The following CP variants were observed in gnomAD, a reference collection of about 807,000 sequenced individuals.
The protein encoded by CP is caeruloplasmin.
CP carries 64 observed loss-of-function variants against 122.4 expected under a neutral mutation model. The observed-to-expected ratio is 0.52, with a 90% CI of 0.43 to 0.64. The LOEUF is 0.64. CP is among the 30% of genes least tolerant of loss of function. CP has a pLI of 0.00. For missense variants in CP, 1,167 were observed against 1,284.4 expected (o/e 0.91, Z 1.40); for synonymous variants, 440 against 436.4 (o/e 1.01, Z -0.10).
At position 149,198,220 on chromosome 3, in the gene CP, T is replaced by C. The variant is rs1171919135; in HGVS notation, c.1713+147A>G. ...TATTATTATTTTAAGGTGTGATAAT[T>C]GTGGGCATTTTTAAAGAAGTCCTTA... is the stretch of plus-strand genomic sequence containing the variant. On this transcript the variant is annotated intron_variant, in intron 9 of 18. Transcript: ENST00000264613. The C allele has an allele frequency of 6.3e-6, 4 of 636,968 alleles. No individual in the cohort carries two copies. In the Admixed American group the frequency reaches 1.1e-4, roughly 18 times the overall value. The allele number at this position is 636,968 out of a possible 1,614,324, so 39.5% of individuals were successfully genotyped here.
downstream of CP, among the ~76,000 whole-genome samples, chr3:149,167,632 G>A (rs1490526775): frequency 6.6e-6 from 1 of 151,996 alleles, no homozygotes; most frequent in African/African-American, 2.4e-5. Flanking sequence ...AACGGGATAT[G>A]TCTGTTACTT....
intron 17 of CP, 102 bp from the exon 18 acceptor site, chr3:149,176,514 T>A: frequency 1.0e-6 from 1 of 984,970 alleles, no homozygotes; most frequent in Admixed American, 2.1e-5. Flanking sequence ...AATGGATAAA[T>A]CTGTTTTTAA....
At chr3:149,184,025 CTTCTTTTTTTTTTTTTT>C (rs1725974013) in intron 12 of CP, among the ~76,000 whole-genome samples, 5 of 66,306 alleles carry the variant, frequency 7.5e-5, no homozygotes, top group Non-Finnish European at 1.7e-4. Flanking sequence ...TTTTCACTTA[CTTCTTTTTTTTTTTTTT>C]TTTTTTTTTT....
intron 5 of CP, chr3:149,163,010 T>G: frequency 1.3e-6 from 1 of 773,704 alleles, no homozygotes. Context: ...ATGCAGGAGT[T>G]AAAAATACAC....
rs749381794 is a variant in CP at position 149,173,727 on chromosome 3, G to T, written c.3185C>A (p.Thr1062Asn). 3.5e-6 allele frequency: 5 copies of T among 1,437,676 alleles called. No individual in the cohort carries two copies. The highest frequency in any genetic ancestry group is 1.2e-5 in the South Asian group (1 of 80,560). The allele number at this position is 1,437,676 out of a possible 1,614,324, so 89.1% of individuals were successfully genotyped here. A position where few individuals can be genotyped will look rare whatever the true frequency, so the allele number is the denominator to read the frequency against. The part of the protein sequence containing the change: ...TTYTVLQNED[T>N]KSG ...AATTTATTTCATTCAGCCAGATTTG[G>T]TGTCTATAGAAAAAGAAATTTTAAG... Residue 1062 changes from threonine (T) to asparagine (N), a missense_variant, in exon 19 of 19, where the codon ACC becomes AAC. Physicochemically the swap from Thr to Asn is moderately conservative, Grantham distance 65. Transcript: ENST00000264613.
chr3:149,168,128 G>A (rs531087254), downstream of CP: 25 of 641,086 alleles, frequency 3.9e-5, no homozygotes, highest in Admixed American at 1.6e-4. Flanking sequence ...CAGCATTCAC[G>A]TACCCTCCCC....
In CP at chr3:149,177,860, C is replaced by T. The variant is rs187293972; in HGVS notation, c.2998G>A (p.Gly1000Ser). 289 of 1,613,678 alleles carry T rather than the reference C, an allele frequency of 1.8e-4. 1 individual carries two copies. Among genetic ancestry groups the T allele is most frequent in the South Asian group, 1.1e-3 (102 of 91,068 alleles). ...EIDLHTVHFH[G>S]HSFQYKHRGV... ...CTTACCTTGTATTGGAAGCTATGGC[C>T]GTGAAAATGTACAGTGTGTAAGTCT... Residue 1000 changes from glycine to serine, a missense_variant, in exon 17 of 19, where the codon GGC (glycine) becomes AGC (serine). By Grantham distance (56) the Gly-to-Ser change is moderately conservative (BLOSUM62 0). Transcript: ENST00000264613.
intron 4 of CP, among the ~76,000 whole-genome samples, chr3:149,208,048 C>T (rs1391285454): frequency 1.3e-5 from 2 of 151,912 alleles, no homozygotes; most frequent in African/African-American, 4.8e-5. Context: ...AGAAAATTTC[C>T]AATTTTCTAC....
chr3:149,170,276 A>C (rs900477308), downstream of CP, among the ~76,000 whole-genome samples: 4 of 152,212 alleles, frequency 2.6e-5, no homozygotes, highest in Non-Finnish European at 4.4e-5. Context: ...ACTCTATAAC[A>C]ACTCCACACT....
intron 9 of CP, among the ~76,000 whole-genome samples, chr3:149,189,379 C>CAT (rs1726392294): frequency 2.0e-5 from 3 of 151,764 alleles, no homozygotes; most frequent in African/African-American, 7.3e-5. Flanking sequence ...TGTGAAACCC[C>CAT]GTCTCTACTA....
At chr3:149,181,974 G>GGGGGGGGGGGCC in intron 14 of CP, 31 bp downstream of exon 14, 1 of 1,356,690 alleles carries the variant, frequency 7.4e-7, no homozygotes, top group Non-Finnish European at 1.0e-6. Context: ...CTGTTAAAAT[G>GGGGGGGGGGGCC]CACCACCCCC....
At position 149,183,989 on chromosome 3, in the gene CP, A is replaced by G. The variant is rs552005793; in HGVS notation, c.2286-384T>C. Among the ~76,000 whole-genome samples, 6 of 146,580 alleles carry G rather than the reference A, an allele frequency of 4.1e-5. No homozygotes were observed. The East Asian group carries it at 1.2e-3, about 30-fold the overall frequency. ...ATATTTCTGATTTATAGGAACTGAA[A>G]TGGACATCTTTTCCCAGGCATTCCC... On this transcript the variant is annotated intron_variant, in intron 12 of 18. Coordinates refer to ENST00000264613, the MANE Select transcript of CP (RefSeq NM_000096.4).
intron 9 of CP, among the ~76,000 whole-genome samples, chr3:149,189,969 A>G (rs1423753813): frequency 6.6e-6 from 1 of 152,204 alleles, no homozygotes; most frequent in Non-Finnish European, 1.5e-5. Flanking sequence ...AGAAAAATGT[A>G]TAGAATGTAA....
intron 1 of CP, among the ~76,000 whole-genome samples, chr3:149,217,154 C>A (rs757671858): frequency 6.6e-6 from 1 of 152,034 alleles, no homozygotes; most frequent in Non-Finnish European, 1.5e-5. Context: ...CTGCCTTGGC[C>A]TCCCAAAGTG....
At position 149,207,370 on chromosome 3, in the gene CP, A is replaced by G. The variant is rs1188846136; in HGVS notation, c.1029T>C (p.His343=). The G allele has an allele frequency of 1.4e-5, 23 of 1,613,858 alleles. No individual in the cohort carries two copies. Among genetic ancestry groups the G allele is most frequent in the Non-Finnish European group, 1.9e-5 (22 of 1,179,768 alleles). The part of the protein sequence containing the change: ...EWMLSCQNLN[H]LKAGLQAFFQ... ...CAGGTAAAGATGTCCTACCTTTCAGATGGTTTAGATTCTGACAGCTGAGCA... is the reference window on the plus strand; with the variant it reads ...CAGGTAAAGATGTCCTACCTTTCAGGTGGTTTAGATTCTGACAGCTGAGCA... The change falls in exon 5 of 19, where the codon CAT becomes CAC. Residue 343 remains histidine, a synonymous_variant. Coordinates refer to ENST00000264613, the MANE Select transcript of CP (RefSeq NM_000096.4).
intron 8 of CP, 138 bp from the exon 9 acceptor site, chr3:149,198,716 C>A: frequency 1.3e-6 from 1 of 769,316 alleles, no homozygotes. Context: ...CCCACTTATG[C>A]TCTGGTGTCA....
chr3:149,172,473 T>A (rs895000140), downstream of CP: 2 of 356,478 alleles, frequency 5.6e-6, no homozygotes, highest in Admixed American at 8.2e-5. Context: ...CTTTAAGACA[T>A]AAGAATTCCT....
At chr3:149,176,004 CA>C in intron 18 of CP, 1 of 504,112 alleles carries the variant, frequency 2.0e-6, no homozygotes, top group Non-Finnish European at 3.6e-6. Flanking sequence ...AGTATAATTA[CA>C]CATTTGTATT....
At chr3:149,190,683 G>T (rs964608476) in intron 9 of CP, among the ~76,000 whole-genome samples, 79 of 151,296 alleles carry the variant, frequency 5.2e-4, no homozygotes, top group African/African-American at 1.6e-3. Flanking sequence ...AAAAAAGGAG[G>T]GGGGGAACCC....
Sources: allele counts gnomAD v4.1 joint callset (sites outside exome capture counted in the v4.1 genomes callset), GRCh38; gene constraint gnomAD v4.1.1; transcripts MANE v1.5; gene names NCBI Gene and HGNC (gene_info 2026-07-23, HGNC 2026-07-21).